LRRC4C: variants seen among roughly 807,000 people sequenced by gnomAD.
LRRC4C encodes leucine rich repeat containing 4C, also known as leucine-rich repeat-containing protein 4C.
LRRC4C carries 5 observed loss-of-function variants against 33.6 expected under a neutral mutation model. The observed-to-expected ratio is 0.15, with a 90% CI of 0.08 to 0.31. The LOEUF is 0.31. Ranked by LOEUF, LRRC4C falls within the 10% of genes least tolerant of loss-of-function variation. The pLI, the probability that LRRC4C is intolerant of heterozygous loss-of-function variation, is 1.00. For synonymous variants in LRRC4C, 329 were observed against 302.0 expected (o/e 1.09, Z -0.93); for missense variants, 560 against 796.7 (o/e 0.70, Z 3.58).
At chr11:40,558,134 T>C (rs1434983695) in intron 3 of LRRC4C, among the ~76,000 whole-genome samples, 1 of 152,070 alleles carries the variant, frequency 6.6e-6, no homozygotes, top group East Asian at 1.9e-4. Flanking sequence ...GAAATACAAA[T>C]ACAAAGATTC....
At chr11:40,593,331 C>T (rs11035948) in intron 3 of LRRC4C, among the ~76,000 whole-genome samples, 13,725 of 152,188 alleles carry the variant, frequency 0.09, 772 homozygotes, top group Middle Eastern at 0.14. Flanking sequence ...CTCTCATAGA[C>T]AGGAAAGTAA....
At chr11:41,133,510 T>C (rs1943115928) in intron 1 of LRRC4C, among the ~76,000 whole-genome samples, 1 of 94,270 alleles carries the variant, frequency 1.1e-5, no homozygotes, top group South Asian at 3.5e-4. Flanking sequence ...ACAGAATAGA[T>C]ACCCTCTTGG....
chr11:41,167,099 G>A (rs1231876162), intron 1 of LRRC4C, among the ~76,000 whole-genome samples: 1 of 151,990 alleles, frequency 6.6e-6, no homozygotes. Context: ...CAGACAGATA[G>A]GTAGAAATAT....
chr11:40,743,107 T>C (rs1323985741), intron 2 of LRRC4C, among the ~76,000 whole-genome samples: 3 of 152,110 alleles, frequency 2.0e-5, no homozygotes, highest in African/African-American at 7.2e-5. Flanking sequence ...TGTACGAATG[T>C]CATTTTTAGT....
In LRRC4C at chr11:41,170,674, C is replaced by A. The variant is rs1410767937; in HGVS notation, c.-495-236951G>T. Among the ~76,000 whole-genome samples the A allele has an allele frequency of 2.0e-5, 3 of 152,254 alleles. No individual in the cohort carries two copies. The East Asian group carries it at 5.8e-4, about 29-fold the overall frequency. ...ATCCTAGAAGAAAACCTAGGCAATA[C>A]CATTCAGGACATAGGCATGGGCAAG... On this transcript the variant is annotated intron_variant, in intron 1 of 6. Transcript: ENST00000528697.
intron 1 of LRRC4C, among the ~76,000 whole-genome samples, chr11:41,006,161 A>G (rs1854739359): frequency 6.6e-6 from 1 of 152,188 alleles, no homozygotes; most frequent in Admixed American, 6.5e-5. Flanking sequence ...GTTTTTATGC[A>G]TCCATGAAAG....
intron 3 of LRRC4C, among the ~76,000 whole-genome samples, chr11:40,399,712 GACA>G (rs931727879): frequency 4.4e-4 from 67 of 151,740 alleles, no homozygotes; most frequent in African/African-American, 1.5e-3. Flanking sequence ...CCACCACCAC[GACA>G]ACAACAACAA....
chr11:41,171,935 A>C (rs1205791256), intron 1 of LRRC4C, among the ~76,000 whole-genome samples: 1 of 152,050 alleles, frequency 6.6e-6, no homozygotes, highest in African/African-American at 2.4e-5. Context: ...ATCTCACCTC[A>C]TTATGTACGT....
intron 3 of LRRC4C, among the ~76,000 whole-genome samples, chr11:40,608,185 T>G (rs183235192): frequency 7.2e-5 from 11 of 152,312 alleles, no homozygotes; most frequent in Admixed American, 3.3e-4. Flanking sequence ...ACATTAATTC[T>G]AACTATAAAA....
intron 2 of LRRC4C, among the ~76,000 whole-genome samples, chr11:40,845,506 G>C (rs1241498190): frequency 6.6e-6 from 1 of 152,140 alleles, no homozygotes; most frequent in East Asian, 1.9e-4. Flanking sequence ...CAAAGGACAT[G>C]AACTCATTCT....
At chr11:40,622,934 A>C (rs1962593024) in intron 3 of LRRC4C, among the ~76,000 whole-genome samples, 1 of 151,780 alleles carries the variant, frequency 6.6e-6, no homozygotes, top group Admixed American at 6.6e-5. Flanking sequence ...CATTAAAACT[A>C]ACATTAAAAT....
intron 1 of LRRC4C, among the ~76,000 whole-genome samples, chr11:41,360,922 A>C (rs1011439802): frequency 2.6e-5 from 4 of 152,194 alleles, no homozygotes; most frequent in African/African-American, 9.7e-5. Flanking sequence ...ATTTACTCAC[A>C]TCCTTCATGG....
At chr11:40,569,566 G>A (rs1186515153) in intron 3 of LRRC4C, among the ~76,000 whole-genome samples, 4 of 151,308 alleles carry the variant, frequency 2.6e-5, no homozygotes, top group South Asian at 2.1e-4. Context: ...ATGTTTATGC[G>A]TGTATATATA....
intron 1 of LRRC4C, among the ~76,000 whole-genome samples, chr11:41,453,877 G>A (rs1262289015): frequency 6.6e-6 from 1 of 152,016 alleles, no homozygotes; most frequent in African/African-American, 2.4e-5. Context: ...AAATTCTGAT[G>A]CTTAAGGCTG....
At chr11:40,942,098 T>G (rs1176242833) in intron 1 of LRRC4C, among the ~76,000 whole-genome samples, 1 of 152,060 alleles carries the variant, frequency 6.6e-6, no homozygotes, top group Non-Finnish European at 1.5e-5. Flanking sequence ...AAAGGTTGGA[T>G]AGAGAGAGTC....
chr11:40,502,507 A>G (rs1954827302), intron 3 of LRRC4C, among the ~76,000 whole-genome samples: 1 of 152,198 alleles, frequency 6.6e-6, no homozygotes, highest in South Asian at 2.1e-4. Context: ...TGGCAGCAAG[A>G]GAGAATGAGG....
intron 1 of LRRC4C, among the ~76,000 whole-genome samples, chr11:41,416,663 CT>C (rs575537915): frequency 3.4e-4 from 51 of 152,050 alleles, no homozygotes; most frequent in Non-Finnish European, 5.6e-4. Context: ...GGGCAGCTGG[CT>C]CTGAAATTAA....
intron 1 of LRRC4C, among the ~76,000 whole-genome samples, chr11:40,960,108 G>C (rs1446046246): frequency 2.0e-5 from 3 of 150,122 alleles, no homozygotes; most frequent in South Asian, 4.2e-4. Context: ...AGGAAAAGAG[G>C]GAAGAAAGAA....
intron 2 of LRRC4C, among the ~76,000 whole-genome samples, chr11:40,815,548 C>T (rs1405700211): frequency 6.6e-6 from 1 of 152,178 alleles, no homozygotes; most frequent in Admixed American, 6.5e-5. Flanking sequence ...GCCCTGATTG[C>T]TCTCCATGGG....
Sources: allele counts gnomAD v4.1 joint callset (sites outside exome capture counted in the v4.1 genomes callset), GRCh38; gene constraint gnomAD v4.1.1; transcripts MANE v1.5; gene names NCBI Gene and HGNC (gene_info 2026-07-23, HGNC 2026-07-21).